ATP10D: variants seen among roughly 807,000 people sequenced by gnomAD.
The protein encoded by ATP10D is ATPase phospholipid transporting 10D (putative), also known as phospholipid-transporting ATPase VD.
ATP10D carries 89 observed loss-of-function variants against 144.8 expected under a neutral mutation model. The observed-to-expected ratio is 0.61, with a 90% CI of 0.52 to 0.73. ATP10D has a LOEUF of 0.73. Among genes scored for constraint, ATP10D ranks in the 30% least tolerant of loss-of-function variants. The pLI, the probability that ATP10D is intolerant of heterozygous loss-of-function variation, is 0.00. For synonymous variants in ATP10D, 571 were observed against 615.1 expected, an observed-to-expected ratio of 0.93 and a Z score of 1.06; for missense variants, 1,603 against 1,714.8, an observed-to-expected ratio of 0.93 and a Z score of 1.15.
chr4:47,509,612 C>T (rs1349928644), intron 1 of ATP10D, among the ~76,000 whole-genome samples: 4 of 152,152 alleles, frequency 2.6e-5, no homozygotes, highest in Non-Finnish European at 4.4e-5. Context: ...ACTGTATTAA[C>T]CATAGTCATC....
At chr4:47,557,227 A>G (rs1347644256) in intron 11 of ATP10D, among the ~76,000 whole-genome samples, 1 of 151,894 alleles carries the variant, frequency 6.6e-6, no homozygotes, top group Non-Finnish European at 1.5e-5. Flanking sequence ...ATAATTTTAA[A>G]ATTGTTATGG....
At position 47,512,558 on chromosome 4, in the gene ATP10D, A is replaced by G. The variant is rs775121920; in HGVS notation, c.18A>G (p.Gln6=). The change falls in exon 2 of 23, where the codon CAA becomes CAG. Residue 6 remains glutamine (Q), a synonymous_variant. Coordinates refer to ENST00000273859, the MANE Select transcript of ATP10D (RefSeq NM_020453.4). The part of the protein sequence containing the change: MTEAL[Q]WARYHWRRLI... ...GTTTGGATATGACTGAGGCTCTCCA[A>G]TGGGCCAGATATCACTGGCGACGGC... 1.2e-5 allele frequency: 20 copies of G among 1,613,678 alleles called. No homozygotes were observed. In the East Asian group the frequency reaches 2.2e-4, roughly 18 times the overall value.
intron 22 of ATP10D, among the ~76,000 whole-genome samples, chr4:47,589,483 C>A (rs1720931483): frequency 6.6e-6 from 1 of 152,128 alleles, no homozygotes; most frequent in African/African-American, 2.4e-5. Flanking sequence ...CTTCCTTACA[C>A]AGGCTCTTGG....
chr4:47,507,607 T>A (rs953430175), intron 1 of ATP10D, among the ~76,000 whole-genome samples: 2 of 152,212 alleles, frequency 1.3e-5, no homozygotes, highest in African/African-American at 4.8e-5. Flanking sequence ...GGAAATGGGA[T>A]GTCTTTATGT....
intron 9 of ATP10D, among the ~76,000 whole-genome samples, chr4:47,539,743 C>A (rs1577662619): frequency 6.6e-6 from 1 of 152,330 alleles, no homozygotes; most frequent in African/African-American, 2.4e-5. Flanking sequence ...AACTGTCTTG[C>A]AGCAACAATG....
rs999567692 is a variant in ATP10D at position 47,558,860 on chromosome 4, T to C, written c.2435-63T>C. 1.8e-5 allele frequency: 24 copies of C among 1,343,458 alleles called. No individual in the cohort carries two copies. In the Admixed American group the frequency reaches 4.9e-4, roughly 28 times the overall value. The allele number at this position is 1,343,458 out of a possible 1,614,324, so 83.2% of individuals were successfully genotyped here. Reference sequence around the variant, plus strand: ...AGTGTGGATAAAACTACTATTGTTTTAAAAAGTATTTCTGTAATTTGGCAG... The same window carrying C: ...AGTGTGGATAAAACTACTATTGTTTCAAAAAGTATTTCTGTAATTTGGCAG... On this transcript the variant is annotated intron_variant, in intron 12 of 22. Coordinates refer to ENST00000273859, the MANE Select transcript of ATP10D (RefSeq NM_020453.4).
At position 47,554,733 on chromosome 4, in the gene ATP10D, A is replaced by G; in HGVS notation, c.1643A>G (p.Asp548Gly). The change falls in exon 11 of 23, where the codon GAC becomes GGC. Residue 548 changes from aspartate to glycine, a missense_variant. Asp to Gly is a moderately conservative substitution (Grantham distance 94). Coordinates refer to ENST00000273859, the MANE Select transcript of ATP10D (RefSeq NM_020453.4). ...GTCTTATTGGATCTTCAGGAAACAGACGTGGTACCAGACACCAGGCTTTTA... is the reference window on the plus strand; with the variant it reads ...GTCTTATTGGATCTTCAGGAAACAGGCGTGGTACCAGACACCAGGCTTTTA... ...QAAFSSPIET[D>G]VVPDTRLLDK... The G allele has an allele frequency of 6.2e-7, 1 of 1,609,006 alleles. No homozygotes were observed. The highest frequency in any genetic ancestry group is 8.5e-7 in the Non-Finnish European group (1 of 1,177,160).
At chr4:47,530,885 T>C (rs1577652697) in intron 5 of ATP10D, among the ~76,000 whole-genome samples, 1 of 152,234 alleles carries the variant, frequency 6.6e-6, no homozygotes, top group African/African-American at 2.4e-5. Context: ...TGCTATTGGC[T>C]TTGGTTTGCT....
chr4:47,489,389 G>GA (rs35842572), intron 1 of ATP10D, among the ~76,000 whole-genome samples: 24,853 of 150,168 alleles, frequency 0.17, 2,137 homozygotes, highest in African/African-American at 0.21. Context: ...TCCTAGTTTT[G>GA]AAAAAAAAAT....
chr4:47,591,564 G>A lies in ATP10D; in HGVS notation c.*183G>A. 1 of 478,500 alleles carries A rather than the reference G, an allele frequency of 2.1e-6. No individual in the cohort carries two copies. The highest frequency in any genetic ancestry group is 4.7e-5 in the South Asian group (1 of 21,276). The allele number at this position is 478,500 out of a possible 1,614,324, so 29.6% of individuals were successfully genotyped here. On this transcript the variant is annotated 3_prime_UTR_variant, in exon 23 of 23. Coordinates refer to ENST00000273859, the MANE Select transcript of ATP10D (RefSeq NM_020453.4). Reference sequence around the variant, plus strand: ...TATACATTTGTGATAGAGGGCTAGAGTTTGACCTAGAGAGAGTTTAAGGAA... The same window carrying A: ...TATACATTTGTGATAGAGGGCTAGAATTTGACCTAGAGAGAGTTTAAGGAA...
intron 10 of ATP10D, among the ~76,000 whole-genome samples, chr4:47,550,941 A>T (rs778505508): frequency 2.4e-4 from 37 of 152,226 alleles, no homozygotes; most frequent in Admixed American, 6.5e-4. Flanking sequence ...GATTTAATAG[A>T]GTGAAATAGA....
At chr4:47,549,817 T>C (rs1209085812) in intron 10 of ATP10D, among the ~76,000 whole-genome samples, 7 of 152,182 alleles carry the variant, frequency 4.6e-5, no homozygotes, top group Non-Finnish European at 1.0e-4. Context: ...AGAGAGAGGT[T>C]CACAGATTGG....
At chr4:47,503,882 G>C (rs1425123714) in intron 1 of ATP10D, among the ~76,000 whole-genome samples, 1 of 151,844 alleles carries the variant, frequency 6.6e-6, no homozygotes, top group African/African-American at 2.4e-5. Flanking sequence ...CTGGGCATCA[G>C]AGCAAGACCT....
intron 5 of ATP10D, among the ~76,000 whole-genome samples, chr4:47,531,471 G>C (rs933217678): frequency 2.0e-5 from 3 of 152,200 alleles, no homozygotes; most frequent in Non-Finnish European, 2.9e-5. Context: ...AGTATGTCTG[G>C]AATGTAGGTG....
At position 47,536,517 on chromosome 4, in the gene ATP10D, C is replaced by T; in HGVS notation, c.1096C>T (p.Leu366=). 1.2e-6 allele frequency: 2 copies of T among 1,613,626 alleles called. No individual in the cohort carries two copies. Among genetic ancestry groups the T allele is most frequent in the Non-Finnish European group, 1.7e-6 (2 of 1,179,670 alleles). Residue 366 remains leucine, a synonymous_variant, in exon 8 of 23, where the codon CTG becomes TTG. Transcript: ENST00000273859. Reference sequence around the variant, plus strand: ...GCCTGATGGACATATCATATCACCACTGTTGGCAGGATTTTATATGTTTTG... The same window carrying T: ...GCCTGATGGACATATCATATCACCATTGTTGGCAGGATTTTATATGTTTTG... ...PEPDGHIISP[L]LAGFYMFWTM...
chr4:47,485,860 T>C (rs6858737), intron 1 of ATP10D, among the ~76,000 whole-genome samples: 1 of 15,946 alleles, frequency 6.3e-5, no homozygotes, highest in Non-Finnish European at 1.8e-4. Context: ...CACGCGGGCA[T>C]ACACGGGCAC....
intron 1 of ATP10D, among the ~76,000 whole-genome samples, chr4:47,497,316 G>A (rs564220448): frequency 4.5e-4 from 68 of 152,146 alleles, no homozygotes; most frequent in African/African-American, 1.5e-3. Flanking sequence ...TTAGCCGGGC[G>A]TGGTGGCATG....
chr4:47,580,216 C>T (rs184419571), intron 19 of ATP10D, among the ~76,000 whole-genome samples, 182 bp from the exon 20 acceptor site: 1 of 152,072 alleles, frequency 6.6e-6, no homozygotes, highest in Non-Finnish European at 1.5e-5. Context: ...GGATTTTTTT[C>T]ATCATGTTTA....
intron 3 of ATP10D, among the ~76,000 whole-genome samples, chr4:47,516,106 T>TGCTACTCAGCTACTCA (rs1016497001): frequency 2.0e-5 from 3 of 152,210 alleles, no homozygotes; most frequent in African/African-American, 7.2e-5. Context: ...GGCAGGTGCC[T>TGCTACTCAGCTACTCA]GTAATCCCAG....
Sources: gnomAD v4.1 joint callset for allele counts (sites outside exome capture counted in the v4.1 genomes callset) on GRCh38, gnomAD v4.1.1 for gene constraint, MANE v1.5 for transcripts, NCBI Gene and HGNC (gene_info 2026-07-23, HGNC 2026-07-21) for gene names.